Variants in ROBO1 observed in about 807,000 individuals in gnomAD.
ROBO1 encodes roundabout homolog 1.
Under a neutral mutation model 195.9 loss-of-function variants are expected in ROBO1, and 149 were observed. That is an observed-to-expected ratio of 0.76 (90% confidence interval 0.67 to 0.87). The LOEUF (loss-of-function observed/expected upper bound fraction) is 0.87. Ranked by LOEUF, ROBO1 falls within the 40% of genes least tolerant of loss-of-function variation. The probability of loss-of-function intolerance (pLI) is 0.00; values close to 1 mark genes in which losing one functional copy is unlikely to be tolerated. For synonymous variants in ROBO1, 816 were observed against 733.2 expected (o/e 1.11, Z -1.82); for missense variants, 1,933 against 2,068.3 (o/e 0.93, Z 1.27).
chr3:79,560,115 GA>G (rs1942854308), intron 2 of ROBO1, among the ~76,000 whole-genome samples: 1 of 151,774 alleles, frequency 6.6e-6, no homozygotes, highest in Non-Finnish European at 1.5e-5. Context: ...GATTAATAGA[GA>G]ATTTCTATAT....
intron 4 of ROBO1, among the ~76,000 whole-genome samples, chr3:78,930,684 C>T (rs181683800): frequency 3.3e-5 from 5 of 152,270 alleles, no homozygotes; most frequent in African/African-American, 1.2e-4. Flanking sequence ...AAAATTAAGC[C>T]AAATCTTTGG....
chr3:78,889,909 C>T (rs147696899), intron 4 of ROBO1, among the ~76,000 whole-genome samples: 2,944 of 152,192 alleles, frequency 0.019, 74 homozygotes, highest in Admixed American at 0.028. Context: ...TTCCATCTCC[C>T]TGGCTCCCTC....
intron 3 of ROBO1, among the ~76,000 whole-genome samples, chr3:79,082,318 ATACT>A (rs2079288419): frequency 6.6e-6 from 1 of 152,184 alleles, no homozygotes; most frequent in Non-Finnish European, 1.5e-5. Context: ...TATATTGTCT[ATACT>A]TATTATGCAT....
intron 1 of ROBO1, among the ~76,000 whole-genome samples, chr3:79,670,996 A>G (rs1410713362): frequency 6.6e-6 from 1 of 151,854 alleles, no homozygotes; most frequent in Non-Finnish European, 1.5e-5. Flanking sequence ...TTAGCTTTCT[A>G]TGCTTCGTTT....
chr3:78,943,612 T>A (rs918696886), intron 3 of ROBO1, among the ~76,000 whole-genome samples: 3 of 152,332 alleles, frequency 2.0e-5, no homozygotes, highest in Admixed American at 6.5e-5. Context: ...TAAGGCATAC[T>A]ATGATGTACA....
intron 8 of ROBO1, among the ~76,000 whole-genome samples, chr3:78,707,195 T>C (rs1439022662): frequency 1.3e-5 from 2 of 152,174 alleles, no homozygotes; most frequent in Admixed American, 1.3e-4. Flanking sequence ...TTCTGAAGCA[T>C]GTAGTTTACT....
chr3:78,986,667 A>G (rs144468121), intron 3 of ROBO1, among the ~76,000 whole-genome samples: 27 of 152,330 alleles, frequency 1.8e-4, no homozygotes, highest in Admixed American at 3.3e-4. Context: ...TAAATGGCAC[A>G]TCAGAGAAAA....
chr3:79,256,213 G>A (rs1463426394), intron 2 of ROBO1, among the ~76,000 whole-genome samples: 1 of 152,156 alleles, frequency 6.6e-6, no homozygotes, highest in Non-Finnish European at 1.5e-5. Context: ...TTGGAAGTCT[G>A]TGTAAAAACC....
intron 30 of ROBO1, 79 bp downstream of exon 30, chr3:78,600,034 T>C (rs750139430): frequency 3.2e-5 from 36 of 1,134,086 alleles, no homozygotes; most frequent in Non-Finnish European, 4.5e-5. Flanking sequence ...GTAACATTTC[T>C]GTACACTGAT....
intron 4 of ROBO1, among the ~76,000 whole-genome samples, chr3:78,775,229 T>C (rs1428192467): frequency 6.6e-6 from 1 of 152,176 alleles, no homozygotes; most frequent in Non-Finnish European, 1.5e-5. Context: ...ATTACCTAGA[T>C]GAACACAAAC....
intron 2 of ROBO1, among the ~76,000 whole-genome samples, chr3:79,460,892 C>T (rs141352053): frequency 0.014 from 2,161 of 151,960 alleles, 53 homozygotes; most frequent in African/African-American, 0.05. Context: ...GGACTACAGA[C>T]GCCCACCACC....
intron 1 of ROBO1, among the ~76,000 whole-genome samples, chr3:79,762,632 A>ACACACACACACACACACACACACAC (rs1553650940): frequency 8.5e-6 from 1 of 118,184 alleles, no homozygotes; most frequent in African/African-American, 3.1e-5. Flanking sequence ...ACACACACAC[A>ACACACACACACACACACACACACAC]AAAGCCGAGA....
At chr3:79,195,480 A>C (rs541045706) in intron 2 of ROBO1, among the ~76,000 whole-genome samples, 8 of 151,778 alleles carry the variant, frequency 5.3e-5, no homozygotes, top group Non-Finnish European at 1.0e-4. Flanking sequence ...CTGATATCTT[A>C]CCACACCACT....
intron 2 of ROBO1, among the ~76,000 whole-genome samples, chr3:79,310,462 G>C (rs184379992): frequency 6.6e-6 from 1 of 152,154 alleles, no homozygotes; most frequent in East Asian, 1.9e-4. Flanking sequence ...TGCTGCTCAG[G>C]GACTACTTCT....
At chr3:79,285,722 CT>C (rs1462129573) in intron 2 of ROBO1, among the ~76,000 whole-genome samples, 1 of 152,112 alleles carries the variant, frequency 6.6e-6, no homozygotes, top group Non-Finnish European at 1.5e-5. Context: ...CCATTAAACC[CT>C]TGTGTCTCTC....
chr3:78,908,750 G>T (rs548869776), intron 4 of ROBO1, among the ~76,000 whole-genome samples: 1 of 151,912 alleles, frequency 6.6e-6, no homozygotes. Context: ...CTCCACAGAT[G>T]AAAAGCACAC....
chr3:78,967,045 G>C (rs988520969), intron 3 of ROBO1, among the ~76,000 whole-genome samples: 1 of 152,176 alleles, frequency 6.6e-6, no homozygotes, highest in Non-Finnish European at 1.5e-5. Context: ...ACCTAGCAGA[G>C]TGTCTGGCAC....
At chr3:78,883,081 G>A (rs907421843) in intron 4 of ROBO1, among the ~76,000 whole-genome samples, 8 of 152,012 alleles carry the variant, frequency 5.3e-5, no homozygotes, top group African/African-American at 1.7e-4. Flanking sequence ...CCAAAGTGCC[G>A]AGATTACAAG....
intron 2 of ROBO1, among the ~76,000 whole-genome samples, chr3:79,365,780 C>A (rs2035952784): frequency 6.6e-6 from 1 of 151,736 alleles, no homozygotes; most frequent in Non-Finnish European, 1.5e-5. Context: ...GCCTGTAGTC[C>A]CAGCTACTCG....
Sources: allele counts gnomAD v4.1 joint callset (sites outside exome capture counted in the v4.1 genomes callset), GRCh38; gene constraint gnomAD v4.1.1; transcripts MANE v1.5; gene names NCBI Gene and HGNC (gene_info 2026-07-23, HGNC 2026-07-21).